The following FARS2 variants were observed in gnomAD, a reference collection of about 807,000 sequenced individuals.
FARS2 encodes the protein phenylalanyl-tRNA synthetase 2, mitochondrial, also known as phenylalanine--tRNA ligase, mitochondrial.
In FARS2, 40 loss-of-function variants were observed where a neutral mutation model predicts 46.4. That is an observed-to-expected ratio of 0.86 (90% CI 0.67 to 1.12). The LOEUF is 1.12. Among genes scored for constraint, FARS2 ranks in the 50% most tolerant of loss-of-function variants. The pLI, the probability that FARS2 is intolerant of heterozygous loss-of-function variation, is 0.00. For synonymous variants in FARS2, 234 were observed against 214.9 expected (o/e 1.09, Z -0.78); for missense variants, 513 against 567.9 (o/e 0.90, Z 0.98).
At chr6:5,741,322 A>G (rs1761322752) in intron 6 of FARS2, among the ~76,000 whole-genome samples, 1 of 152,184 alleles carries the variant, frequency 6.6e-6, no homozygotes, top group East Asian at 1.9e-4. Flanking sequence ...GGGCGTGTGG[A>G]TGCTATGGGA....
At chr6:5,275,124 G>A (rs1251457868) in intron 1 of FARS2, among the ~76,000 whole-genome samples, 3 of 152,134 alleles carry the variant, frequency 2.0e-5, no homozygotes, top group Non-Finnish European at 4.4e-5. Flanking sequence ...GTTTTTGCTG[G>A]TTGCGAATCA....
At chr6:5,491,680 A>G (rs1027736902) in intron 4 of FARS2, among the ~76,000 whole-genome samples, 2 of 152,110 alleles carry the variant, frequency 1.3e-5, no homozygotes, top group East Asian at 1.9e-4. Context: ...ATTTTCTTAC[A>G]TGTTCATATT....
chr6:5,358,117 A>G (rs1342670966), intron 1 of FARS2, among the ~76,000 whole-genome samples: 1 of 152,168 alleles, frequency 6.6e-6, no homozygotes, highest in Non-Finnish European at 1.5e-5. Flanking sequence ...CCTGGAGGCT[A>G]TTTCTTCTGT....
chr6:5,736,509 C>T (rs1760962886), intron 6 of FARS2, among the ~76,000 whole-genome samples: 1 of 152,172 alleles, frequency 6.6e-6, no homozygotes, highest in Non-Finnish European at 1.5e-5. Context: ...AAAAGACCAG[C>T]GCAAATAGGG....
chr6:5,386,576 G>T (rs1352866615), intron 2 of FARS2, among the ~76,000 whole-genome samples: 1 of 152,136 alleles, frequency 6.6e-6, no homozygotes, highest in Non-Finnish European at 1.5e-5. Context: ...ACCAGTGCAG[G>T]CTAAGCCAAG....
the FARS2 span, among the ~76,000 whole-genome samples, chr6:5,250,318 AAT>A: frequency 1.3e-5 from 2 of 152,210 alleles, no homozygotes; most frequent in Non-Finnish European, 2.9e-5. Context: ...ATAAATCAGC[AAT>A]GACACGCAGA....
Position 5,558,385 on chromosome 6 carries a change from T to C in FARS2, c.1065+13045T>C, listed in dbSNP as rs564337396. Among the ~76,000 whole-genome samples the C allele has an allele frequency of 5.9e-5, 9 of 152,268 alleles. No homozygotes were observed. In the East Asian group the frequency reaches 1.7e-3, roughly 29 times the overall value. On this transcript the variant is annotated intron_variant, in intron 5 of 6. Transcript: ENST00000274680. ...TGCGTTTATACTGGCATTTTCTATG[T>C]GTAATCTTGCAACCTTGAAGATGAA...
At chr6:5,318,601 A>G (rs1243599563) in intron 1 of FARS2, among the ~76,000 whole-genome samples, 1 of 152,146 alleles carries the variant, frequency 6.6e-6, no homozygotes, top group East Asian at 1.9e-4. Flanking sequence ...AAGGCAGCAA[A>G]AGCAGAGATT....
intron 6 of FARS2, among the ~76,000 whole-genome samples, chr6:5,660,373 A>G (rs1420714274): frequency 6.6e-6 from 1 of 152,204 alleles, no homozygotes; most frequent in African/African-American, 2.4e-5. Context: ...GCTGGGCGCC[A>G]TGGCTCACAG....
chr6:5,397,214 A>G (rs757955497), intron 2 of FARS2, among the ~76,000 whole-genome samples: 2 of 152,158 alleles, frequency 1.3e-5, no homozygotes, highest in Non-Finnish European at 2.9e-5. Context: ...TCCATACTCT[A>G]TGTTTCCCTC....
chr6:5,404,764 G>T, intron 3 of FARS2, 63 bp downstream of exon 3: 13 of 1,001,268 alleles, frequency 1.3e-5, no homozygotes, highest in Admixed American at 3.2e-5. Context: ...AAGTGTTTTG[G>T]ATTTGGGTTT....
intron 5 of FARS2, among the ~76,000 whole-genome samples, chr6:5,569,223 G>A (rs1195954821): frequency 7.0e-6 from 1 of 142,378 alleles, no homozygotes; most frequent in Non-Finnish European, 1.5e-5. Flanking sequence ...TTGGCCAGGT[G>A]AGTACAGGAG....
At chr6:5,687,806 A>G (rs1757363269) in intron 6 of FARS2, among the ~76,000 whole-genome samples, 1 of 152,166 alleles carries the variant, frequency 6.6e-6, no homozygotes, top group Non-Finnish European at 1.5e-5. Flanking sequence ...GGCCATTTTC[A>G]TGATATTGAT....
intron 4 of FARS2, among the ~76,000 whole-genome samples, chr6:5,524,329 G>A (rs1284947284): frequency 6.6e-6 from 1 of 152,226 alleles, no homozygotes; most frequent in Non-Finnish European, 1.5e-5. Flanking sequence ...CCTGACTACA[G>A]AGTGAGCTGG....
chr6:5,301,802 T>TACACACACACACACAC (rs143654686), intron 1 of FARS2, among the ~76,000 whole-genome samples: 13 of 132,336 alleles, frequency 9.8e-5, no homozygotes, highest in African/African-American at 3.4e-4. Flanking sequence ...CACACACACA[T>TACACACACACACACAC]ACACACACAC....
intron 1 of FARS2, among the ~76,000 whole-genome samples, chr6:5,310,543 C>T (rs1336203082): frequency 2.0e-5 from 3 of 152,034 alleles, no homozygotes; most frequent in Non-Finnish European, 4.4e-5. Flanking sequence ...TGAAAAAGCT[C>T]CATCAGTCTA....
intron 1 of FARS2, among the ~76,000 whole-genome samples, chr6:5,271,371 T>G (rs1267369222): frequency 6.6e-6 from 1 of 152,116 alleles, no homozygotes; most frequent in Admixed American, 6.5e-5. Flanking sequence ...TCTGAACCAA[T>G]AACTGTGACC....
chr6:5,737,949 C>A (rs1040039768), intron 6 of FARS2, among the ~76,000 whole-genome samples: 2 of 152,044 alleles, frequency 1.3e-5, no homozygotes, highest in East Asian at 3.9e-4. Flanking sequence ...TGTTATTATT[C>A]TTGTTGTTGT....
At chr6:5,309,495 C>G (rs899980848) in intron 1 of FARS2, among the ~76,000 whole-genome samples, 1 of 152,150 alleles carries the variant, frequency 6.6e-6, no homozygotes, top group African/African-American at 2.4e-5. Flanking sequence ...GACATGGTGC[C>G]TCCAGGAAGA....
Sources: allele counts gnomAD v4.1 joint callset (sites outside exome capture counted in the v4.1 genomes callset), GRCh38; gene constraint gnomAD v4.1.1; transcripts MANE v1.5; gene names NCBI Gene and HGNC (gene_info 2026-07-23, HGNC 2026-07-21).